NAA16: variants seen among roughly 807,000 people sequenced by gnomAD.
NAA16 encodes N-alpha-acetyltransferase 16, NatA auxiliary subunit, also known as NARG1-like protein.
A neutral mutation model predicts 110.3 loss-of-function variants in NAA16; 97 were observed. That is an observed-to-expected ratio of 0.88 (90% CI 0.75 to 1.04). The LOEUF (loss-of-function observed/expected upper bound fraction) is 1.04. NAA16 is among the 50% of genes least tolerant of loss of function. The probability of loss-of-function intolerance (pLI) is 0.00; values close to 1 mark genes in which losing one functional copy is unlikely to be tolerated. For synonymous variants in NAA16, 372 were observed against 330.6 expected (o/e 1.13, Z -1.36); for missense variants, 1,017 against 1,005.1 (o/e 1.01, Z -0.16).
intron 8 of NAA16, 82 bp from the exon 9 acceptor site, chr13:41,336,568 G>A (rs2042386920): frequency 1.2e-6 from 1 of 834,972 alleles, no homozygotes; most frequent in Admixed American, 2.7e-5. Context: ...TGCTTCTGAG[G>A]GAGCTTTATT....
intron 13 of NAA16, among the ~76,000 whole-genome samples, chr13:41,366,606 T>C (rs1356573090): frequency 6.6e-6 from 1 of 152,142 alleles, no homozygotes; most frequent in Admixed American, 6.6e-5. Context: ...CATGGATCCA[T>C]TGAAAATTGG....
At chr13:41,350,324 C>T (rs1214122109) in intron 9 of NAA16, among the ~76,000 whole-genome samples, 9 of 150,266 alleles carry the variant, frequency 6.0e-5, no homozygotes, top group East Asian at 2.0e-4. Context: ...GACGGAGTCT[C>T]GCTCTGTCCC....
At chr13:41,336,203 A>G (rs2042378194) in intron 8 of NAA16, among the ~76,000 whole-genome samples, 1 of 151,888 alleles carries the variant, frequency 6.6e-6, no homozygotes, top group South Asian at 2.1e-4. Flanking sequence ...TCACTGCTAT[A>G]TCCTCAATAC....
In NAA16 at chr13:41,311,325, G is replaced by C. The variant is rs921780009; in HGVS notation, c.-204G>C. On this transcript the variant is annotated 5_prime_UTR_variant, in exon 1 of 20. Coordinates refer to ENST00000379406, the MANE Select transcript of NAA16 (RefSeq NM_024561.5). ...CCAAAAAGCGGAGCCCAGGGGAAGCGTGTCCTGCTCAGACCGCCTTCCTTC... is the reference window on the plus strand; with the variant it reads ...CCAAAAAGCGGAGCCCAGGGGAAGCCTGTCCTGCTCAGACCGCCTTCCTTC... 158 of 569,022 alleles carry C rather than the reference G, an allele frequency of 2.8e-4. No homozygotes were observed. The Admixed American group carries it at 5.4e-3, about 20-fold the overall frequency. 35.2% of individuals were successfully genotyped at this position (569,022 alleles called of 1,614,324 possible). A position where few individuals can be genotyped will look rare whatever the true frequency, so the allele number is the denominator to read the frequency against.
Position 41,373,631 on chromosome 13 carries a change from TTA to T in NAA16, c.2156-3_2156-2del. 1 of 1,572,476 alleles carries T rather than the reference TTA, an allele frequency of 6.4e-7. No individual in the cohort carries two copies. The highest frequency in any genetic ancestry group is 8.6e-7 in the Non-Finnish European group (1 of 1,167,196). ...ACAAAAAATCCAAATGTTTTTGTTT[TTA>T]TAGTGTCTAATCATAGTAATCTTCC... On this transcript the variant is annotated splice_polypyrimidine_tract_variant and splice_region_variant and intron_variant, in intron 17 of 19. Coordinates refer to ENST00000379406, the MANE Select transcript of NAA16 (RefSeq NM_024561.5).
At chr13:41,349,942 CAG>C (rs1440096040) in intron 9 of NAA16, among the ~76,000 whole-genome samples, 1 of 143,402 alleles carries the variant, frequency 7.0e-6, no homozygotes, top group Non-Finnish European at 1.5e-5. Flanking sequence ...GCCTGGGTGA[CAG>C]AGCGAGACTC....
chr13:41,354,600 A>G (rs147002832), intron 9 of NAA16: 28 of 152,362 alleles, frequency 1.8e-4, no homozygotes, highest in Admixed American at 1.4e-3. Context: ...ATCCTTTCAC[A>G]GGCGCCATGC....
At position 41,358,792 on chromosome 13, in the gene NAA16, T is replaced by G; in HGVS notation, c.1258-18T>G. The G allele has an allele frequency of 6.4e-7, 1 of 1,550,636 alleles. No individual in the cohort carries two copies. Among genetic ancestry groups the G allele is most frequent in the Non-Finnish European group, 8.7e-7 (1 of 1,148,480 alleles). On this transcript the variant is annotated intron_variant, in intron 11 of 19. Coordinates refer to ENST00000379406, the MANE Select transcript of NAA16 (RefSeq NM_024561.5). ...TCTCTTGATTATAAATTGTGGTTCC[T>G]TTAATTATCTTTTATAGCATATAGG...
chr13:41,323,860 C>T (rs935129546), intron 5 of NAA16, among the ~76,000 whole-genome samples: 7 of 152,130 alleles, frequency 4.6e-5, no homozygotes, highest in African/African-American at 1.4e-4. Context: ...TGAGTCACTT[C>T]ACTTAGAGTT....
chr13:41,337,809 G>A (rs143375005), intron 9 of NAA16, among the ~76,000 whole-genome samples: 73 of 152,172 alleles, frequency 4.8e-4, no homozygotes, highest in African/African-American at 1.7e-3. Flanking sequence ...TTGTAAATTT[G>A]CAGTAATTGT....
At chr13:41,342,978 T>G (rs976972329) in intron 9 of NAA16, among the ~76,000 whole-genome samples, 4 of 151,052 alleles carry the variant, frequency 2.6e-5, no homozygotes, top group Admixed American at 6.6e-5. Context: ...GTGCTATAAT[T>G]ACAATATAGA....
intron 8 of NAA16, 57 bp from the exon 9 acceptor site, chr13:41,336,593 C>T: frequency 1.9e-6 from 2 of 1,053,886 alleles, no homozygotes; most frequent in South Asian, 3.2e-5. Flanking sequence ...TTTAGAAAAT[C>T]ATTTTAAGAA....
chr13:41,326,687 A>AT (rs1566251598), intron 6 of NAA16, among the ~76,000 whole-genome samples: 1 of 152,140 alleles, frequency 6.6e-6, no homozygotes, highest in Non-Finnish European at 1.5e-5. Context: ...ACATCAACAC[A>AT]TTCCCTGACT....
At chr13:41,345,357 T>G (rs1424121476) in intron 9 of NAA16, among the ~76,000 whole-genome samples, 4 of 152,232 alleles carry the variant, frequency 2.6e-5, no homozygotes, top group Admixed American at 1.3e-4. Flanking sequence ...CACTTGTTAT[T>G]ATTGATGATA....
intron 5 of NAA16, 106 bp downstream of exon 5, chr13:41,323,296 G>C (rs1055794951): frequency 2.6e-6 from 3 of 1,146,240 alleles, no homozygotes; most frequent in Non-Finnish European, 3.8e-6. Flanking sequence ...TATGGAAAAC[G>C]GGAAAACTTT....
intron 13 of NAA16, among the ~76,000 whole-genome samples, chr13:41,367,005 T>G (rs543317421): frequency 6.6e-6 from 1 of 152,116 alleles, no homozygotes; most frequent in African/African-American, 2.4e-5. Flanking sequence ...AATGGTAGAG[T>G]TGAGTAGAGC....
intron 8 of NAA16, 41 bp from the exon 9 acceptor site, chr13:41,336,609 T>G (rs2042387614): frequency 8.4e-7 from 1 of 1,191,900 alleles, no homozygotes; most frequent in Admixed American, 2.2e-5. Context: ...AAGAATTGTT[T>G]GCGTGAACCA....
chr13:41,332,103 G>A (rs577797757), intron 8 of NAA16, among the ~76,000 whole-genome samples: 1 of 152,114 alleles, frequency 6.6e-6, no homozygotes, highest in Admixed American at 6.5e-5. Context: ...TCTGTTACCA[G>A]GCTGGAGCTG....
At chr13:41,359,011 T>C in intron 12 of NAA16, 49 bp downstream of exon 12, 1 of 1,460,286 alleles carries the variant, frequency 6.8e-7, no homozygotes, top group Non-Finnish European at 9.2e-7. Context: ...TAAGACAGTT[T>C]GTGAAGTTTG....
Sources: gnomAD v4.1 joint callset for allele counts (sites outside exome capture counted in the v4.1 genomes callset) on GRCh38, gnomAD v4.1.1 for gene constraint, MANE v1.5 for transcripts, NCBI Gene and HGNC (gene_info 2026-07-23, HGNC 2026-07-21) for gene names.